Variants in ZHX2 observed in about 807,000 individuals in gnomAD.
ZHX2 encodes zinc fingers and homeoboxes protein 2.
ZHX2 carries 6 observed loss-of-function variants against 21.9 expected under a neutral mutation model. The observed-to-expected ratio is 0.27, with a 90% CI of 0.15 to 0.54. ZHX2 has a LOEUF of 0.54. Ranked by LOEUF, ZHX2 falls within the 20% of genes least tolerant of loss-of-function variation. The probability of loss-of-function intolerance (pLI) is 0.95; values close to 1 mark genes in which losing one functional copy is unlikely to be tolerated. For missense variants in ZHX2, 908 were observed against 1,090.7 expected, an observed-to-expected ratio of 0.83 and a Z score of 2.36; for synonymous variants, 434 against 437.1, an observed-to-expected ratio of 0.99 and a Z score of 0.09.
At chr8:122,927,757 A>C (rs1034780427) in intron 2 of ZHX2, among the ~76,000 whole-genome samples, 1 of 152,202 alleles carries the variant, frequency 6.6e-6, no homozygotes, top group African/African-American at 2.4e-5. Flanking sequence ...CTCCCATGAC[A>C]CAATGTGGGA....
intron 1 of ZHX2, among the ~76,000 whole-genome samples, chr8:122,800,387 G>T (rs964476541): frequency 6.6e-6 from 1 of 152,162 alleles, no homozygotes; most frequent in Non-Finnish European, 1.5e-5. Flanking sequence ...GCTGTGAGGC[G>T]CCCCGGCAAG....
intron 1 of ZHX2, among the ~76,000 whole-genome samples, chr8:122,853,097 T>G (rs1288920789): frequency 1.3e-5 from 2 of 152,220 alleles, no homozygotes; most frequent in East Asian, 3.8e-4. Flanking sequence ...CCACAAGTGC[T>G]TCCTGGGTCC....
chr8:122,870,603 C>T (rs996685873), intron 2 of ZHX2, among the ~76,000 whole-genome samples: 19 of 139,258 alleles, frequency 1.4e-4, no homozygotes, highest in Non-Finnish European at 1.4e-4. Flanking sequence ...CGTACCACTG[C>T]ACTCCAGCCT....
rs571270160 is a variant in ZHX2, at chr8:122,919,094, G to A, written c.-219-32198G>A. ...TGCTTCCTGGCCTTTGAGGCTCAGC[G>A]GTAGTCTCACTTAGCCAGGCAAGCC... On this transcript the variant is annotated intron_variant, in intron 2 of 3. Transcript: ENST00000314393. 5.3e-5 allele frequency among the ~76,000 whole-genome samples: 8 copies of A among 152,238 alleles called. No homozygotes were observed. In the South Asian group the frequency reaches 8.3e-4, roughly 16 times the overall value.
intron 1 of ZHX2, among the ~76,000 whole-genome samples, chr8:122,789,552 A>G (rs982420084): frequency 1.2e-4 from 18 of 152,236 alleles, no homozygotes; most frequent in African/African-American, 4.1e-4. Flanking sequence ...TTTTTGTGGC[A>G]GTGGTGGTCC....
intron 2 of ZHX2, among the ~76,000 whole-genome samples, chr8:122,887,050 C>CGTGT (rs10549696): frequency 0.029 from 3,947 of 136,364 alleles, 69 homozygotes; most frequent in Admixed American, 0.067. Context: ...GCTCTGCCAC[C>CGTGT]GTGTGTGTGT....
intron 2 of ZHX2, among the ~76,000 whole-genome samples, chr8:122,903,196 G>A (rs1222812027): frequency 6.6e-6 from 1 of 152,164 alleles, no homozygotes; most frequent in African/African-American, 2.4e-5. Context: ...TTTCTTACTG[G>A]TGTTTAAGAT....
intron 3 of ZHX2, among the ~76,000 whole-genome samples, chr8:122,968,841 GAAAAAAAA>G (rs11323549): frequency 7.0e-6 from 1 of 141,860 alleles, no homozygotes; most frequent in Non-Finnish European, 1.5e-5. Flanking sequence ...CTCCATCTTG[GAAAAAAAA>G]AAAAAGAAAA....
At chr8:122,893,839 G>A (rs529001603) in intron 2 of ZHX2, among the ~76,000 whole-genome samples, 1 of 152,280 alleles carries the variant, frequency 6.6e-6, no homozygotes, top group Admixed American at 6.5e-5. Flanking sequence ...TTTGGGATCT[G>A]TTACTGGAAA....
At chr8:122,835,410 G>C (rs998967308) in intron 1 of ZHX2, among the ~76,000 whole-genome samples, 2 of 152,296 alleles carry the variant, frequency 1.3e-5, no homozygotes, top group East Asian at 3.9e-4. Flanking sequence ...GGATAGGGGC[G>C]TAAGGTGGTG....
intron 1 of ZHX2, among the ~76,000 whole-genome samples, chr8:122,816,071 C>T (rs930148688): frequency 3.0e-5 from 4 of 131,994 alleles, no homozygotes; most frequent in Non-Finnish European, 4.8e-5. Flanking sequence ...CAGAGCAAGA[C>T]TCCGTCTCAA....
chr8:122,785,870 G>A (rs887789856), intron 1 of ZHX2, among the ~76,000 whole-genome samples: 1 of 152,174 alleles, frequency 6.6e-6, no homozygotes, highest in East Asian at 1.9e-4. Flanking sequence ...TTAATCTCTA[G>A]GTACTAGGGA....
chr8:122,819,199 A>G (rs1009154273), intron 1 of ZHX2, among the ~76,000 whole-genome samples: 2 of 152,216 alleles, frequency 1.3e-5, no homozygotes, highest in African/African-American at 4.8e-5. Flanking sequence ...CAGTGCCTGC[A>G]GTGGGAAGGC....
intron 1 of ZHX2, among the ~76,000 whole-genome samples, chr8:122,837,071 G>C (rs1056739537): frequency 5.3e-5 from 8 of 152,134 alleles, no homozygotes; most frequent in African/African-American, 1.9e-4. Flanking sequence ...CATCATGACA[G>C]TTTACAAACA....
Position 122,926,272 on chromosome 8 carries a change from G to A in ZHX2, c.-219-25020G>A, listed in dbSNP as rs147225735. On this transcript the variant is annotated intron_variant, in intron 2 of 3. Coordinates refer to ENST00000314393, the MANE Select transcript of ZHX2 (RefSeq NM_014943.5). ...AAAGCTCCTCTGTTGATGCCGGTGC[G>A]GAACAAGGGTTGAGGGCCCTGCCTG... 1.2e-3 allele frequency among the ~76,000 whole-genome samples: 179 copies of A among 152,310 alleles called. 2 individuals carry two copies. The East Asian group carries it at 0.029, about 25-fold the overall frequency.
chr8:122,855,857 A>G (rs1819012489), intron 1 of ZHX2, among the ~76,000 whole-genome samples: 1 of 152,164 alleles, frequency 6.6e-6, no homozygotes, highest in Admixed American at 6.5e-5. Flanking sequence ...GAAGATCCAA[A>G]TTACATGAGT....
intron 1 of ZHX2, among the ~76,000 whole-genome samples, chr8:122,855,314 T>C (rs1235443206): frequency 2.6e-5 from 4 of 152,220 alleles, no homozygotes; most frequent in African/African-American, 9.7e-5. Context: ...TACAAGTTTG[T>C]ATGTGATTTT....
intron 1 of ZHX2, among the ~76,000 whole-genome samples, chr8:122,787,634 G>A (rs1385707554): frequency 1.3e-5 from 2 of 152,212 alleles, no homozygotes; most frequent in Non-Finnish European, 2.9e-5. Context: ...CTGGGGCTTC[G>A]GGGAGTAGCC....
At chr8:122,951,243 CT>C (rs1325640737) in intron 2 of ZHX2, 48 bp from the exon 3 acceptor site, 4 of 411,726 alleles carry the variant, frequency 9.7e-6, no homozygotes, top group African/African-American at 8.0e-5. Context: ...GTGCCAGTTT[CT>C]TTTGCGTTGT....
Sources: gnomAD v4.1 joint callset for allele counts (sites outside exome capture counted in the v4.1 genomes callset) on GRCh38, gnomAD v4.1.1 for gene constraint, MANE v1.5 for transcripts, NCBI Gene and HGNC (gene_info 2026-07-23, HGNC 2026-07-21) for gene names.